The following NSF variants were observed in gnomAD, a reference collection of about 807,000 sequenced individuals.
NSF encodes vesicle-fusing ATPase.
In NSF, 14 loss-of-function variants were observed where a neutral mutation model predicts 50.3. The ratio of observed to expected loss-of-function variants is 0.28; its 90% confidence interval spans 0.18 to 0.44. NSF has a LOEUF of 0.44. NSF is among the 20% of genes least tolerant of loss of function. The pLI, the probability that NSF is intolerant of heterozygous loss-of-function variation, is 1.00. For missense variants in NSF, 218 were observed against 504.3 expected, an observed-to-expected ratio of 0.43 and a Z score of 5.44; for synonymous variants, 109 against 175.7, an observed-to-expected ratio of 0.62 and a Z score of 3.00.
Position 46,728,397 on chromosome 17 carries a change from T to A in NSF, c.1829-458T>A, listed in dbSNP as rs577334809. ...TGGTAAATACACCTGGAATTTTTTT[T>A]TCCTTCCAAAATAATCCCAGAAAAA... On this transcript the variant is annotated intron_variant, in intron 16 of 20. Coordinates refer to ENST00000398238, the MANE Select transcript of NSF (RefSeq NM_006178.4). 1.2e-4 allele frequency among the ~76,000 whole-genome samples: 19 copies of A among 152,308 alleles called. No homozygotes were observed. The South Asian group carries it at 3.9e-3, about 32-fold the overall frequency.
intron 17 of NSF, among the ~76,000 whole-genome samples, chr17:46,746,539 G>A (rs753648701): frequency 5.9e-5 from 9 of 152,212 alleles, no homozygotes; most frequent in Non-Finnish European, 8.8e-5. Flanking sequence ...CAAGATCTGT[G>A]TATAGGTTCA....
chr17:46,711,396 A>G (rs982174191), intron 14 of NSF, among the ~76,000 whole-genome samples: 7 of 152,224 alleles, frequency 4.6e-5, no homozygotes, highest in African/African-American at 1.7e-4. Flanking sequence ...ACTTAGCCTC[A>G]ATTCAATTAA....
chr17:46,748,209 T>C (rs1441033590), intron 17 of NSF, among the ~76,000 whole-genome samples: 2 of 151,902 alleles, frequency 1.3e-5, no homozygotes, highest in African/African-American at 2.4e-5. Flanking sequence ...GACTCTTGGG[T>C]TCAAGCATTC....
At chr17:46,681,790 G>C (rs1405783235) in intron 9 of NSF, among the ~76,000 whole-genome samples, 1 of 47,468 alleles carries the variant, frequency 2.1e-5, no homozygotes. Context: ...AGTCTCATTG[G>C]TTCTAGCAGG....
chr17:46,715,005 T>C (rs1447284470), intron 15 of NSF, among the ~76,000 whole-genome samples: 1 of 152,132 alleles, frequency 6.6e-6, no homozygotes, highest in Non-Finnish European at 1.5e-5. Flanking sequence ...AGAAGAGAAA[T>C]AGATTTAAAA....
intron 19 of NSF, among the ~76,000 whole-genome samples, chr17:46,753,214 GTTA>G (rs2059200798): frequency 6.6e-6 from 1 of 152,226 alleles, no homozygotes; most frequent in South Asian, 2.1e-4. Flanking sequence ...GGCATCATGT[GTTA>G]CTTACTGATG....
Position 46,755,839 on chromosome 17 carries a change from AACAC to A in NSF, c.*20_*23del, listed in dbSNP as rs2059228804. On this transcript the variant is annotated 3_prime_UTR_variant, in exon 21 of 21. Transcript: ENST00000398238. The stretch of plus-strand genomic sequence containing the variant: ...TTTTGATTGAAAATGAACTATTTGA[AACAC>A]ACAGTGACCAAGGGAAGTGACCAAG... 2.5e-6 allele frequency: 4 copies of A among 1,611,276 alleles called. No homozygotes were observed. Among genetic ancestry groups the A allele is most frequent in the Non-Finnish European group, 2.5e-6 (3 of 1,179,272 alleles).
At chr17:46,679,494 A>C (rs529875121) in intron 9 of NSF, among the ~76,000 whole-genome samples, 3 of 130,982 alleles carry the variant, frequency 2.3e-5, no homozygotes, top group Non-Finnish European at 4.8e-5. Context: ...GTTTGAGACC[A>C]GCCTGGTCAA....
rs1020604353 is a variant in NSF at position 46,709,384 on chromosome 17, G to A, written c.1471-1579G>A. Among the ~76,000 whole-genome samples the A allele has an allele frequency of 5.3e-5, 8 of 152,056 alleles. No individual in the cohort carries two copies. In the East Asian group the frequency reaches 5.8e-4, roughly 11 times the overall value. Reference sequence around the variant, plus strand: ...TGGGATATGTAAGGAAGATATACACGTTATATATCTTGGGAGAGTCACTGT... The same window carrying A: ...TGGGATATGTAAGGAAGATATACACATTATATATCTTGGGAGAGTCACTGT... On this transcript the variant is annotated intron_variant, in intron 13 of 20. Coordinates refer to ENST00000398238, the MANE Select transcript of NSF (RefSeq NM_006178.4).
chr17:46,726,896 T>C (rs2058894974), intron 16 of NSF, among the ~76,000 whole-genome samples: 1 of 152,170 alleles, frequency 6.6e-6, no homozygotes, highest in African/African-American at 2.4e-5. Context: ...AGTAAATGAT[T>C]AGTAATTTTC....
chr17:46,751,394 T>TG, intron 18 of NSF, 109 bp from the exon 19 acceptor site: 1 of 765,558 alleles, frequency 1.3e-6, no homozygotes, highest in Non-Finnish European at 2.2e-6. Context: ...TCTATCAACT[T>TG]GAACAGTTAG....
intron 17 of NSF, among the ~76,000 whole-genome samples, chr17:46,745,238 G>A (rs746722115): frequency 6.6e-6 from 1 of 152,062 alleles, no homozygotes; most frequent in Non-Finnish European, 1.5e-5. Context: ...TAATATATTC[G>A]GAGCTGTTTT....
intron 19 of NSF, among the ~76,000 whole-genome samples, chr17:46,752,206 G>C (rs1038090494): frequency 6.6e-6 from 1 of 152,204 alleles, no homozygotes; most frequent in Non-Finnish European, 1.5e-5. Context: ...CCAGGGTGCT[G>C]CCTGGGCAAA....
chr17:46,738,102 C>T (rs1010397441), intron 17 of NSF, among the ~76,000 whole-genome samples: 19 of 151,758 alleles, frequency 1.3e-4, no homozygotes, highest in Non-Finnish European at 2.9e-5. Flanking sequence ...CCTGACTAAT[C>T]TTTATATTTT....
intron 18 of NSF, 117 bp downstream of exon 18, chr17:46,750,024 G>C (rs1240658545): frequency 1.7e-6 from 2 of 1,190,760 alleles, no homozygotes; most frequent in Non-Finnish European, 2.4e-6. Flanking sequence ...CATGGGACCC[G>C]GGGATATTAC....
chr17:46,657,252 T>G (rs1345653657), intron 8 of NSF, among the ~76,000 whole-genome samples: 1 of 112,984 alleles, frequency 8.9e-6, no homozygotes, highest in East Asian at 2.7e-4. Flanking sequence ...TGTAAATGTT[T>G]TTGACATGCA....
intron 14 of NSF, 66 bp from the exon 15 acceptor site, chr17:46,713,787 A>G: frequency 6.5e-7 from 1 of 1,528,930 alleles, no homozygotes; most frequent in Non-Finnish European, 8.9e-7. Context: ...TAAAAGTTTA[A>G]ACTTGTTTTA....
rs4061825 is a variant in NSF at position 46,699,402 on chromosome 17, GACACAC to G, written c.1374+4761_1374+4766del. 1.7e-3 allele frequency among the ~76,000 whole-genome samples: 245 copies of G among 148,298 alleles called. 2 individuals are homozygous for G. Among genetic ancestry groups the G allele is most frequent in the African/African-American group, 5.5e-3 (223 of 40,632 alleles). ...ATCTGTTGTGAGGAAATAAACTGAG[GACACAC>G]ACACACACACACACACACACTTTCT... is the stretch of plus-strand genomic sequence containing the variant. On this transcript the variant is annotated intron_variant, in intron 12 of 20. Coordinates refer to ENST00000398238, the MANE Select transcript of NSF (RefSeq NM_006178.4).
chr17:46,703,696 A>AC (rs753571218), intron 12 of NSF, among the ~76,000 whole-genome samples: 1 of 151,434 alleles, frequency 6.6e-6, no homozygotes, highest in African/African-American at 2.4e-5. Context: ...AAAAAAAAAA[A>AC]AAAAAAAACA....
Sources: gnomAD v4.1 joint callset for allele counts (sites outside exome capture counted in the v4.1 genomes callset) on GRCh38, gnomAD v4.1.1 for gene constraint, MANE v1.5 for transcripts, NCBI Gene and HGNC (gene_info 2026-07-23, HGNC 2026-07-21) for gene names.